Variants in SBF2 observed in about 807,000 individuals in gnomAD.
The protein encoded by SBF2 is SET binding factor 2.
SBF2 carries 112 observed loss-of-function variants against 225.2 expected under a neutral mutation model. The observed-to-expected ratio is 0.50, with a 90% confidence interval of 0.43 to 0.58. The LOEUF is 0.58. SBF2 is among the 20% of genes least tolerant of loss of function. The probability of loss-of-function intolerance (pLI) is 0.00; values close to 1 mark genes in which losing one functional copy is unlikely to be tolerated. For missense variants in SBF2, 1,996 were observed against 2,206.2 expected (o/e 0.90, Z 1.91); for synonymous variants, 763 against 773.3 (o/e 0.99, Z 0.22).
At chr11:10,013,367 C>A (rs554009796) in intron 6 of SBF2, among the ~76,000 whole-genome samples, 13 of 152,332 alleles carry the variant, frequency 8.5e-5, no homozygotes, top group Admixed American at 5.9e-4. Flanking sequence ...ACCAGTCTCA[C>A]TGACAAAGCT....
chr11:10,227,995 C>A (rs1003822876), intron 1 of SBF2, among the ~76,000 whole-genome samples: 8 of 150,886 alleles, frequency 5.3e-5, no homozygotes, highest in East Asian at 1.9e-4. Context: ...CTTTTATTTC[C>A]TTGAGCAGTG....
chr11:10,273,596 A>G (rs1454267087), intron 1 of SBF2, among the ~76,000 whole-genome samples: 1 of 152,212 alleles, frequency 6.6e-6, no homozygotes, highest in Non-Finnish European at 1.5e-5. Flanking sequence ...TGCTAGGACC[A>G]TGGGTGGCAA....
intron 1 of SBF2, among the ~76,000 whole-genome samples, chr11:10,237,638 A>G (rs1428414649): frequency 6.6e-6 from 1 of 152,252 alleles, no homozygotes; most frequent in Non-Finnish European, 1.5e-5. Context: ...GCACATATTT[A>G]AAGCGTACAA....
At chr11:10,286,552 GT>G (rs1963807430) in intron 1 of SBF2, among the ~76,000 whole-genome samples, 1 of 151,920 alleles carries the variant, frequency 6.6e-6, no homozygotes, top group African/African-American at 2.4e-5. Flanking sequence ...GAGAGACGGG[GT>G]TTCACCATGT....
intron 6 of SBF2, among the ~76,000 whole-genome samples, chr11:10,010,786 T>C (rs1948419925): frequency 6.6e-6 from 1 of 152,238 alleles, no homozygotes; most frequent in Non-Finnish European, 1.5e-5. Context: ...AAGTCAATGG[T>C]AGCTTGATGG....
chr11:10,123,094 A>G (rs193200233), intron 2 of SBF2, among the ~76,000 whole-genome samples: 69 of 152,182 alleles, frequency 4.5e-4, no homozygotes, highest in African/African-American at 1.6e-3. Flanking sequence ...CACCACTCCA[A>G]TCACCTGGCT....
chr11:9,787,923 C>A, intron 35 of SBF2, 185 bp from the exon 36 acceptor site: 2 of 634,714 alleles, frequency 3.2e-6, no homozygotes, highest in Non-Finnish European at 5.6e-6. Context: ...AGTTGGTGTG[C>A]CGTACTGTGG....
chr11:10,242,080 G>T (rs1337563979), intron 1 of SBF2, among the ~76,000 whole-genome samples: 1 of 151,654 alleles, frequency 6.6e-6, no homozygotes, highest in South Asian at 2.1e-4. Flanking sequence ...CTATGGGCAA[G>T]TTAGGTCCAC....
At chr11:10,028,579 AACAC>A in intron 5 of SBF2, 22 bp from the exon 6 acceptor site, 7 of 1,375,882 alleles carry the variant, frequency 5.1e-6, no homozygotes, top group Non-Finnish European at 6.2e-6. Context: ...GAGAAACACA[AACAC>A]ACACACACAC....
chr11:10,251,746 AT>A (rs1297587953), intron 1 of SBF2, among the ~76,000 whole-genome samples: 1 of 152,202 alleles, frequency 6.6e-6, no homozygotes, highest in Non-Finnish European at 1.5e-5. Flanking sequence ...CATACCTAGA[AT>A]GTCAAATGGT....
intron 2 of SBF2, among the ~76,000 whole-genome samples, chr11:10,098,137 C>A (rs1209750881): frequency 6.6e-6 from 1 of 152,020 alleles, no homozygotes; most frequent in Non-Finnish European, 1.5e-5. Context: ...CTGTACATGG[C>A]ACCCTATATG....
intron 1 of SBF2, among the ~76,000 whole-genome samples, chr11:10,197,286 C>T (rs1957412384): frequency 6.6e-6 from 1 of 152,110 alleles, no homozygotes; most frequent in Admixed American, 6.5e-5. Flanking sequence ...TACAGTCATA[C>T]TTGGGAGATA....
At chr11:10,094,075 A>T (rs188439721) in intron 2 of SBF2, among the ~76,000 whole-genome samples, 7 of 152,328 alleles carry the variant, frequency 4.6e-5, no homozygotes, top group Admixed American at 4.6e-4. Context: ...TCACGCCTAT[A>T]ATCCCAGCAC....
intron 16 of SBF2, chr11:9,959,632 G>A (rs959536013): frequency 2.6e-6 from 2 of 757,054 alleles, no homozygotes; most frequent in Non-Finnish European, 5.0e-6. Context: ...TTCTACTCAG[G>A]TAACTCTTCC....
At chr11:9,862,520 A>T (rs1031926534) in intron 17 of SBF2, among the ~76,000 whole-genome samples, 2 of 152,254 alleles carry the variant, frequency 1.3e-5, no homozygotes, top group Non-Finnish European at 2.9e-5. Flanking sequence ...TGGGAACAGA[A>T]ATAAAGCTTT....
rs1413211683 is a variant in SBF2 at position 10,134,147 on chromosome 11, C to G, written c.141+59755G>C. Among the ~76,000 whole-genome samples the G allele has an allele frequency of 3.3e-5, 5 of 152,110 alleles. No individual in the cohort carries two copies. The South Asian group carries it at 6.2e-4, about 19-fold the overall frequency. ...AAGGCATATCTCACATGGCGGCAGA[C>G]AAGAGAAGAGAACATATATATACAG... On this transcript the variant is annotated intron_variant, in intron 2 of 39. Transcript: ENST00000256190.
chr11:10,034,507 T>A (rs1417516684), intron 3 of SBF2, among the ~76,000 whole-genome samples: 5 of 152,242 alleles, frequency 3.3e-5, no homozygotes, highest in African/African-American at 9.6e-5. Flanking sequence ...CTTTGTTGTA[T>A]CTTGATGCTT....
intron 15 of SBF2, among the ~76,000 whole-genome samples, chr11:9,962,655 G>C (rs1401734990): frequency 2.0e-5 from 3 of 152,112 alleles, no homozygotes; most frequent in Non-Finnish European, 4.4e-5. Context: ...GATATCTCTA[G>C]GTGTATGCAT....
At chr11:9,800,022 G>A (rs1853391180) in intron 32 of SBF2, among the ~76,000 whole-genome samples, 1 of 152,182 alleles carries the variant, frequency 6.6e-6, no homozygotes, top group African/African-American at 2.4e-5. Flanking sequence ...TGGATCACTT[G>A]AGGTCAGGAA....
Sources: allele counts gnomAD v4.1 joint callset (sites outside exome capture counted in the v4.1 genomes callset), GRCh38; gene constraint gnomAD v4.1.1; transcripts MANE v1.5; gene names NCBI Gene and HGNC (gene_info 2026-07-23, HGNC 2026-07-21).